Variants in RBM10 observed in about 807,000 individuals in gnomAD.
RBM10 encodes the protein RNA binding motif protein 10.
A neutral mutation model predicts 84.9 loss-of-function variants in RBM10; 1 was observed. The observed-to-expected ratio is 0.01, with a 90% CI of 0.00 to 0.06. The LOEUF (loss-of-function observed/expected upper bound fraction) is 0.06, where lower values mean the gene tolerates loss of function less well. Among genes scored for constraint, RBM10 ranks in the 10% least tolerant of loss-of-function variants. RBM10 has a pLI of 1.00. For missense variants in RBM10, 438 were observed against 839.0 expected (o/e 0.52, Z 5.90); for synonymous variants, 326 against 344.5 (o/e 0.95, Z 0.60).
At chrX:47,171,309 G>A (rs1934650680) in intron 4 of RBM10, 51 bp downstream of exon 4, 1 of 1,197,158 alleles carries the variant, frequency 8.4e-7, no homozygotes, top group South Asian at 1.8e-5. Context: ...GTCTCCTCCA[G>A]GGCCCTCAAC....
At chrX:47,147,673 C>T (rs1470943158) in intron 2 of RBM10, among the ~76,000 whole-genome samples, 175 bp downstream of exon 2, 3 of 104,358 alleles carry the variant, frequency 2.9e-5, no homozygotes, top group African/African-American at 9.9e-5. Context: ...CTGTGCTAGG[C>T]TCTGATAGTG....
chrX:47,171,280 G>A (rs782419787), intron 4 of RBM10, 22 bp downstream of exon 4: 37 of 1,206,396 alleles, frequency 3.1e-5, no homozygotes, highest in South Asian at 3.6e-5. Context: ...CCATGGCCCC[G>A]GGCAGGAGGC....
intron 2 of RBM10, chrX:47,157,283 G>T: frequency 6.1e-6 from 2 of 329,368 alleles, no homozygotes; most frequent in South Asian, 3.0e-5. Flanking sequence ...AGGACTTGCT[G>T]ACCACGAACA....
intron 2 of RBM10, among the ~76,000 whole-genome samples, chrX:47,167,487 C>T (rs1199396786): frequency 9.1e-6 from 1 of 109,393 alleles, no homozygotes; most frequent in Non-Finnish European, 1.9e-5. Flanking sequence ...CCTCAGCCTC[C>T]CAAGTAGCTG....
At position 47,186,079 on chromosome X, in the gene RBM10, G is replaced by C. The variant is rs2147222598; in HGVS notation, c.2445G>C (p.Arg815=). The change falls in exon 22 of 24, where the codon CGG becomes CGC. Residue 815 remains arginine (R), a synonymous_variant. Transcript: ENST00000377604. Reference sequence around the variant, plus strand: ...CAAACTTTCAGCAAATGAAGTACCGGGACCGTGCAGCTGAACGCAGAGAAA... The same window carrying C: ...CAAACTTTCAGCAAATGAAGTACCGCGACCGTGCAGCTGAACGCAGAGAAA... ...EKNDMEQMKY[R]DRAAERREKY... 2 of 1,212,386 alleles carry C rather than the reference G, an allele frequency of 1.6e-6. No individual in the cohort carries two copies. Among genetic ancestry groups the C allele is most frequent in the Middle Eastern group, 2.3e-4 (1 of 4,355 alleles).
intron 2 of RBM10, among the ~76,000 whole-genome samples, chrX:47,150,839 G>A (rs1932761852): frequency 9.0e-6 from 1 of 111,659 alleles, no homozygotes; most frequent in East Asian, 2.8e-4. Flanking sequence ...AGTTATCAAA[G>A]TCCCTCAAAA....
intron 2 of RBM10, among the ~76,000 whole-genome samples, chrX:47,160,137 CAAAAA>C (rs782476104): frequency 9.3e-6 from 1 of 107,256 alleles, no homozygotes; most frequent in Admixed American, 1.0e-4. Flanking sequence ...AACTCTGCCT[CAAAAA>C]AAAAGAAAAA....
intron 2 of RBM10, among the ~76,000 whole-genome samples, chrX:47,162,647 G>A (rs1933815201): frequency 9.1e-6 from 1 of 110,038 alleles, no homozygotes; most frequent in East Asian, 2.8e-4. Context: ...AGGGCGAGGG[G>A]GGCGGATCGT....
intron 7 of RBM10, among the ~76,000 whole-genome samples, chrX:47,177,518 T>C (rs187567600): frequency 0.015 from 1,710 of 111,073 alleles, 12 homozygotes; most frequent in Non-Finnish European, 0.025. Flanking sequence ...AAAAAAAAAG[T>C]CCCATCAGAG....
intron 2 of RBM10, among the ~76,000 whole-genome samples, chrX:47,154,439 T>TTTTTG (rs1556764503): frequency 1.8e-5 from 2 of 108,943 alleles, no homozygotes; most frequent in East Asian, 2.9e-4. Context: ...TTCCTTTTTT[T>TTTTTG]TTTGTTTGTT....
At chrX:47,157,836 G>A (rs1052600611) in intron 2 of RBM10, 13 of 331,944 alleles carry the variant, frequency 3.9e-5, no homozygotes, top group Non-Finnish European at 5.8e-5. Context: ...CTGAAGTGCA[G>A]TGGTGTGATC....
intron 5 of RBM10, among the ~76,000 whole-genome samples, chrX:47,174,009 C>T (rs781831150): frequency 3.1e-5 from 3 of 96,303 alleles, no homozygotes; most frequent in Admixed American, 1.2e-4. Context: ...TGCATCCTAA[C>T]GGTTATTCTT....
chrX:47,153,809 TG>T (rs1932894224), intron 2 of RBM10, among the ~76,000 whole-genome samples: 1 of 111,439 alleles, frequency 9.0e-6, no homozygotes, highest in Non-Finnish European at 1.9e-5. Flanking sequence ...ATCTGGAGGC[TG>T]GGCGCAGTGG....
At chrX:47,156,888 TCCCCTGTGG>T (rs782337106) in intron 2 of RBM10, 3 of 200,366 alleles carry the variant, frequency 1.5e-5, no homozygotes, top group African/African-American at 3.1e-5. Flanking sequence ...TGGGGCCACA[TCCCCTGTGG>T]CTGCTGTGGC....
chrX:47,153,578 C>T (rs1212761777), intron 2 of RBM10, among the ~76,000 whole-genome samples: 3 of 111,648 alleles, frequency 2.7e-5, no homozygotes, highest in Non-Finnish European at 5.6e-5. Flanking sequence ...TTTTTAAAAC[C>T]TTGTTAGATT....
In RBM10 at chrX:47,147,475, T is replaced by C; in HGVS notation, c.-7T>C. ...GCCCCAGCAGCCCCCGAAGGCCCTA[T>C]CAGGACATGGAGTATGAAAGACGGT... On this transcript the variant is annotated 5_prime_UTR_variant, in exon 2 of 24. Coordinates refer to ENST00000377604, the MANE Select transcript of RBM10 (RefSeq NM_005676.5). 1 of 1,211,612 alleles carries C rather than the reference T, an allele frequency of 8.3e-7. No individual in the cohort carries two copies. The highest frequency in any genetic ancestry group is 1.1e-6 in the Non-Finnish European group (1 of 895,375).
At chrX:47,151,496 T>C (rs184114884) in intron 2 of RBM10, among the ~76,000 whole-genome samples, 1 of 111,960 alleles carries the variant, frequency 8.9e-6, no homozygotes, top group Admixed American at 9.6e-5. Context: ...ACTTATTTAT[T>C]TTTCTTCATT....
rs1464390510 is a variant in RBM10, at chrX:47,185,110, T to G, written c.2006T>G (p.Phe669Cys). Reference sequence around the variant, plus strand: ...AGTCTCAACAAACAAAAAGAAAACTTCAAAAATAGCTTCCAGCCTATCAGC... The same window carrying G: ...AGTCTCAACAAACAAAAAGAAAACTGCAAAAATAGCTTCCAGCCTATCAGC... ...ARSLNKQKENFKNSFQPISSL... is the reference protein window; with the variant it reads ...ARSLNKQKENCKNSFQPISSL... Residue 669 changes from phenylalanine to cysteine, a missense_variant, in exon 18 of 24, where the codon TTC becomes TGC. Phe to Cys is a radical substitution (Grantham distance 205). This residue lies in a region of RBM10 where 39 missense variants were observed against 119.5 expected (regional missense o/e 0.33). Coordinates refer to ENST00000377604, the MANE Select transcript of RBM10 (RefSeq NM_005676.5). The G allele has an allele frequency of 8.3e-7, 1 of 1,209,116 alleles. No individual in the cohort carries two copies. The highest frequency in any genetic ancestry group is 1.1e-6 in the Non-Finnish European group (1 of 894,957).
intron 2 of RBM10, among the ~76,000 whole-genome samples, chrX:47,159,739 G>A (rs1933511854): frequency 8.9e-6 from 1 of 111,839 alleles, no homozygotes; most frequent in Non-Finnish European, 1.9e-5. Flanking sequence ...AGGACTCCCT[G>A]TTCAATAAGT....
Sources: allele counts gnomAD v4.1 joint callset (sites outside exome capture counted in the v4.1 genomes callset), GRCh38; gene constraint gnomAD v4.1.1; regional missense constraint gnomAD v4.1.1; transcripts MANE v1.5; gene names NCBI Gene and HGNC (gene_info 2026-07-23, HGNC 2026-07-21).